Variants in ZFC3H1 observed in about 807,000 individuals in gnomAD.
ZFC3H1 encodes zinc finger C3H1 domain-containing protein.
A neutral mutation model predicts 243.7 loss-of-function variants in ZFC3H1; 71 were observed. That is an observed-to-expected ratio of 0.29 (90% confidence interval 0.24 to 0.36). ZFC3H1 has a LOEUF of 0.36. ZFC3H1 is among the 10% of genes least tolerant of loss of function. ZFC3H1 has a pLI of 1.00. For synonymous variants in ZFC3H1, 838 were observed against 813.0 expected (o/e 1.03, Z -0.52); for missense variants, 1,966 against 2,317.1 (o/e 0.85, Z 3.11).
In ZFC3H1 at chr12:71,633,431, A is replaced by G; in HGVS notation, c.2518T>C (p.Leu840=). Residue 840 remains leucine, a synonymous_variant, in exon 13 of 35, where the codon TTG becomes CTG. Coordinates refer to ENST00000378743, the MANE Select transcript of ZFC3H1 (RefSeq NM_144982.5). ...TTTAAAACAGATTCATCTTTCATCA[A>G]GAGAATCCTAAATGAGAAATAACAA... ...ESKLKKHRIL[L]MKDESVLKNL... The G allele has an allele frequency of 6.4e-7, 1 of 1,561,586 alleles. No individual in the cohort carries two copies.
Position 71,623,429 on chromosome 12 carries a change from A to G in ZFC3H1, c.4675T>C (p.Phe1559Leu), listed in dbSNP as rs751305477. Residue 1559 changes from phenylalanine to leucine, a missense_variant, in exon 24 of 35, where the codon TTT becomes CTT. Around this residue, in one of 4 missense-constraint regions of ZFC3H1, gnomAD observed 1,383 missense variants for 1,723.7 expected, o/e 0.80. Transcript: ENST00000378743. ...TGAACAGCTTGCCATGGCATTACAAATGATTCAGTGTTAACAATTCTTGAA... is the reference window on the plus strand; with the variant it reads ...TGAACAGCTTGCCATGGCATTACAAGTGATTCAGTGTTAACAATTCTTGAA... ...NPSRIVNTES[F>L]VMPWQAVQDV... 1.9e-6 allele frequency: 3 copies of G among 1,613,686 alleles called. No homozygotes were observed. Among genetic ancestry groups the G allele is most frequent in the African/African-American group, 1.3e-5 (1 of 75,030 alleles).
At position 71,619,336 on chromosome 12, in the gene ZFC3H1, T is replaced by G; in HGVS notation, c.5123A>C (p.Tyr1708Ser). ...ASFFKPGFEK[Y>S]NNLDLFRYLL... is the part of the protein sequence containing the mutation. ...TTACCGAAACAGATCCAAGTTATTA[T>G]ACTTCTCAAACCCCGGTTTAAAGAA... Residue 1708 changes from tyrosine (Y) to serine (S), a missense_variant, in exon 27 of 35, where the codon TAT becomes TCT. Around this residue, in one of 4 missense-constraint regions of ZFC3H1, gnomAD observed 1,383 missense variants for 1,723.7 expected, o/e 0.80. Coordinates refer to ENST00000378743, the MANE Select transcript of ZFC3H1 (RefSeq NM_144982.5). The G allele has an allele frequency of 1.2e-6, 2 of 1,613,776 alleles. No homozygotes were observed.
chr12:71,648,409 AAC>A (rs1490385059), intron 2 of ZFC3H1, among the ~76,000 whole-genome samples: 1 of 152,220 alleles, frequency 6.6e-6, no homozygotes. Flanking sequence ...CCTAATCTAC[AAC>A]AGCTTTAAAC....
intron 9 of ZFC3H1, 82 bp from the exon 10 acceptor site, chr12:71,635,662 G>A: frequency 1.4e-6 from 2 of 1,392,910 alleles, no homozygotes; most frequent in Non-Finnish European, 1.9e-6. Flanking sequence ...CAAAAATAAT[G>A]GGCTCCAAGT....
intron 20 of ZFC3H1, among the ~76,000 whole-genome samples, chr12:71,628,475 T>C (rs537146875): frequency 6.6e-6 from 1 of 152,348 alleles, no homozygotes; most frequent in East Asian, 1.9e-4. Context: ...CATTCATACA[T>C]TATTTTGTTC....
chr12:71,625,143 C>T (rs1429626668), intron 22 of ZFC3H1, among the ~76,000 whole-genome samples: 1 of 152,114 alleles, frequency 6.6e-6, no homozygotes, highest in Non-Finnish European at 1.5e-5. Flanking sequence ...GCATGCTTTA[C>T]TATCCAAATC....
chr12:71,626,239 T>A, intron 22 of ZFC3H1, 21 bp downstream of exon 22: 1 of 1,295,092 alleles, frequency 7.7e-7, no homozygotes, highest in Non-Finnish European at 1.1e-6. Flanking sequence ...CACACACACG[T>A]ACGTTATCTT....
Position 71,633,348 on chromosome 12 carries a change from C to T in ZFC3H1, c.2601G>A (p.Lys867=), listed in dbSNP as rs200099252. Residue 867 remains lysine (K), a synonymous_variant, in exon 13 of 35, where the codon AAG becomes AAA. Transcript: ENST00000378743. ...GAAGCTGTTCTGTAAGTTTTGTAAT[C>T]TTTGCTTCAGCATTTCTAACAGATT... ...KKESVRNAEA[K]ITKLTEQLQA... is the part of the protein sequence containing the mutation. 238 of 1,603,372 alleles carry T rather than the reference C, an allele frequency of 1.5e-4. 2 individuals carry two copies. The African/African-American group carries it at 2.7e-3, about 18-fold the overall frequency.
Position 71,611,852 on chromosome 12 carries a change from T to C in ZFC3H1, c.5663A>G (p.Gln1888Arg). 6.2e-7 allele frequency: 1 copy of C among 1,607,228 alleles called. No homozygotes were observed. Among genetic ancestry groups the C allele is most frequent in the Non-Finnish European group, 8.5e-7 (1 of 1,176,020 alleles). The change falls in exon 32 of 35, where the codon CAG becomes CGG. Residue 1888 changes from glutamine to arginine, a missense_variant. Physicochemically the swap from Gln to Arg is conservative, Grantham distance 43. Around this residue, in one of 4 missense-constraint regions of ZFC3H1, gnomAD observed 1,383 missense variants for 1,723.7 expected, o/e 0.80. Coordinates refer to ENST00000378743, the MANE Select transcript of ZFC3H1 (RefSeq NM_144982.5). Reference sequence around the variant, plus strand: ...CATCTTGGCTTGAAGTTTCAGAATCTGAACATTGCTTTCTTCCCATTCATG... The same window carrying C: ...CATCTTGGCTTGAAGTTTCAGAATCCGAACATTGCTTTCTTCCCATTCATG... ...LQHEWEESNV[Q>R]ILKLQAKMFT...
At chr12:71,644,626 GC>G (rs1250419960) in intron 4 of ZFC3H1, among the ~76,000 whole-genome samples, 6 of 152,134 alleles carry the variant, frequency 3.9e-5, no homozygotes, top group Non-Finnish European at 8.8e-5. Context: ...AGACCAGTTA[GC>G]CCAACACCGC....
At chr12:71,632,764 G>T (rs1044276225) in intron 14 of ZFC3H1, 122 bp downstream of exon 14, 2 of 1,419,688 alleles carry the variant, frequency 1.4e-6, no homozygotes, top group African/African-American at 1.5e-5. Context: ...TAAAAACAAA[G>T]CTTTAATCTT....
At chr12:71,638,692 T>C (rs1880527796) in intron 6 of ZFC3H1, among the ~76,000 whole-genome samples, 177 bp from the exon 7 acceptor site, 1 of 152,190 alleles carries the variant, frequency 6.6e-6, no homozygotes, top group South Asian at 2.1e-4. Flanking sequence ...AAAATTGTCA[T>C]ATCATCATAA....
intron 18 of ZFC3H1, among the ~76,000 whole-genome samples, chr12:71,630,028 C>T (rs1391472899): frequency 6.6e-6 from 1 of 152,032 alleles, no homozygotes; most frequent in African/African-American, 2.4e-5. Context: ...TGTGATAACA[C>T]CAAATTTAGT....
chr12:71,662,918 G>T, intron 1 of ZFC3H1, 95 bp downstream of exon 1: 1 of 1,258,146 alleles, frequency 7.9e-7, no homozygotes, highest in South Asian at 1.4e-5. Flanking sequence ...AAGCGGTTCT[G>T]ATGATTCAAA....
At chr12:71,647,841 T>C in intron 2 of ZFC3H1, 28 bp from the exon 3 acceptor site, 1 of 955,038 alleles carries the variant, frequency 1.0e-6, no homozygotes. Context: ...ATCTTTTGAA[T>C]AATCCAAAAG....
chr12:71,622,579 C>A (rs1358907439), intron 24 of ZFC3H1, among the ~76,000 whole-genome samples: 2 of 152,142 alleles, frequency 1.3e-5, no homozygotes, highest in Non-Finnish European at 1.5e-5. Flanking sequence ...TCTCATGCCT[C>A]AGCCTCCCGA....
rs368259965 is a variant in ZFC3H1, at chr12:71,663,595, T to C, written c.16A>G (p.Thr6Ala). The C allele has an allele frequency of 4.7e-4, 761 of 1,610,024 alleles. 9 individuals carry two copies. In the South Asian group the frequency reaches 5.3e-3, roughly 11 times the overall value. The change falls in exon 1 of 35, where the codon ACT becomes GCT. Residue 6 changes from threonine (T) to alanine (A), a missense_variant. By Grantham distance (58) the Thr-to-Ala change is moderately conservative. Coordinates refer to ENST00000378743, the MANE Select transcript of ZFC3H1 (RefSeq NM_144982.5). ...AGGCCACTGGAGGCCGGGGCCGGAGTATCTGCGGTCGCCATCCGGGGAGCA... is the reference window on the plus strand; with the variant it reads ...AGGCCACTGGAGGCCGGGGCCGGAGCATCTGCGGTCGCCATCCGGGGAGCA... MATAD[T>A]PAPASSGLSP...
chr12:71,635,595 T>C lies in ZFC3H1; in HGVS notation c.2101-15A>G. 2 of 1,519,800 alleles carry C rather than the reference T, an allele frequency of 1.3e-6. No homozygotes were observed. Among genetic ancestry groups the C allele is most frequent in the Non-Finnish European group, 1.7e-6 (2 of 1,144,178 alleles). 94.1% of individuals were successfully genotyped at this position (1,519,800 alleles called of 1,614,324 possible). On this transcript the variant is annotated splice_polypyrimidine_tract_variant and intron_variant, in intron 9 of 34. Coordinates refer to ENST00000378743, the MANE Select transcript of ZFC3H1 (RefSeq NM_144982.5). ...TGCTTTGGAAGCTGCAAAGACAATA[T>C]ATTTATTACTCGTGATAACAAAAGG...
intron 3 of ZFC3H1, among the ~76,000 whole-genome samples, chr12:71,645,909 G>C (rs1048227770): frequency 6.6e-6 from 1 of 152,176 alleles, no homozygotes; most frequent in Non-Finnish European, 1.5e-5. Context: ...TAAGGGGTGG[G>C]AGGATAGCTT....
Sources: gnomAD v4.1 joint callset for allele counts (sites outside exome capture counted in the v4.1 genomes callset) on GRCh38, gnomAD v4.1.1 for gene constraint, gnomAD v4.1.1 regional missense constraint, MANE v1.5 for transcripts, NCBI Gene and HGNC (gene_info 2026-07-23, HGNC 2026-07-21) for gene names.